Variants in RELN observed in about 807,000 individuals in gnomAD.
RELN encodes reelin.
A neutral mutation model predicts 427.6 loss-of-function variants in RELN; 108 were observed. The ratio of observed to expected loss-of-function variants is 0.25; its 90% CI spans 0.22 to 0.30. RELN has a LOEUF of 0.30. RELN is among the 10% of genes least tolerant of loss of function. The pLI is 1.00. For synonymous variants in RELN, 1,524 were observed against 1,513.4 expected (o/e 1.01, Z -0.16); for missense variants, 3,715 against 4,302.8 (o/e 0.86, Z 3.82).
chr7:103,686,362 C>G (rs896227043), intron 10 of RELN, among the ~76,000 whole-genome samples: 4 of 152,130 alleles, frequency 2.6e-5, no homozygotes, highest in Non-Finnish European at 5.9e-5. Context: ...TAAAAGGAAG[C>G]TAAAACATCA....
chr7:103,794,123 A>G lies in RELN; in HGVS notation c.474-17496T>C, dbSNP rs943888665. On this transcript the variant is annotated intron_variant, in intron 3 of 64. Transcript: ENST00000428762. Reference sequence around the variant, plus strand: ...GGTAATTTTTTTTAATTTTAAGGGTATTTAAAATGCTGATACTAAACTATC... The same window carrying G: ...GGTAATTTTTTTTAATTTTAAGGGTGTTTAAAATGCTGATACTAAACTATC... Among the ~76,000 whole-genome samples, 3 of 152,174 alleles carry G rather than the reference A, an allele frequency of 2.0e-5. No homozygotes were observed. In the South Asian group the frequency reaches 6.2e-4, roughly 32 times the overall value.
intron 38 of RELN, 83 bp downstream of exon 38, chr7:103,556,894 A>T: frequency 1.7e-6 from 2 of 1,175,574 alleles, no homozygotes; most frequent in Non-Finnish European, 2.6e-6. Context: ...CTCAGTTGAC[A>T]AACACTTCCT....
At chr7:103,710,557 A>C (rs1178513731) in intron 8 of RELN, among the ~76,000 whole-genome samples, 1 of 152,214 alleles carries the variant, frequency 6.6e-6, no homozygotes, top group Non-Finnish European at 1.5e-5. Context: ...GGAAGTTGAA[A>C]TGTCCTCAAA....
At chr7:103,775,001 T>G (rs1294370946) in intron 4 of RELN, among the ~76,000 whole-genome samples, 2 of 152,178 alleles carry the variant, frequency 1.3e-5, no homozygotes, top group Non-Finnish European at 2.9e-5. Context: ...GGCTTTTTCT[T>G]TTCATTTTAA....
Position 103,963,594 on chromosome 7 carries a change from T to A in RELN, c.226+25537A>T, listed in dbSNP as rs547418373. 1.2e-4 allele frequency among the ~76,000 whole-genome samples: 19 copies of A among 152,334 alleles called. 2 individuals carry two copies. In the South Asian group the frequency reaches 3.5e-3, roughly 28 times the overall value. On this transcript the variant is annotated intron_variant, in intron 1 of 64. Transcript: ENST00000428762. Reference sequence around the variant, plus strand: ...AAGAAGCTTTTAACTATATCTTTTTTAAAAATTTCTTTTAAAAATCTGAAA... The same window carrying A: ...AAGAAGCTTTTAACTATATCTTTTTAAAAAATTTCTTTTAAAAATCTGAAA...
intron 13 of RELN, 148 bp downstream of exon 13, chr7:103,653,945 T>C (rs1832974497): frequency 3.0e-6 from 2 of 659,090 alleles, no homozygotes; most frequent in African/African-American, 1.8e-5. Flanking sequence ...TTAAAATGTC[T>C]ATTTCACTTT....
chr7:103,919,134 T>C (rs910639093), intron 1 of RELN, among the ~76,000 whole-genome samples: 1 of 82,962 alleles, frequency 1.2e-5, no homozygotes, highest in Admixed American at 1.1e-4. Flanking sequence ...ATAATCGGTC[T>C]TTTTTTTTTT....
At position 103,636,515 on chromosome 7, in the gene RELN, G is replaced by A. The variant is rs534583828; in HGVS notation, c.2070-47C>T. The A allele has an allele frequency of 9.2e-5, 114 of 1,243,098 alleles. 2 individuals carry two copies. Among genetic ancestry groups the A allele is most frequent in the Middle Eastern group, 1.9e-4 (1 of 5,376 alleles). The allele number at this position is 1,243,098 out of a possible 1,614,324, so 77.0% of individuals were successfully genotyped here. A position where few individuals can be genotyped will look rare whatever the true frequency, so the allele number is the denominator to read the frequency against. The stretch of plus-strand genomic sequence containing the variant: ...TAAATCTTAAACTGTTGGCTGTTTC[G>A]GAGATTCTCGAATCTACTTTGGGGA... On this transcript the variant is annotated intron_variant, in intron 17 of 64. Coordinates refer to ENST00000428762, the MANE Select transcript of RELN (RefSeq NM_005045.4).
chr7:103,787,191 T>G (rs550238994), intron 3 of RELN, among the ~76,000 whole-genome samples: 7 of 152,132 alleles, frequency 4.6e-5, no homozygotes, highest in African/African-American at 1.7e-4. Context: ...TGGGACACAG[T>G]AAAAGCAGTG....
chr7:103,844,837 T>C (rs1793635705), intron 2 of RELN, among the ~76,000 whole-genome samples: 1 of 152,198 alleles, frequency 6.6e-6, no homozygotes, highest in Non-Finnish European at 1.5e-5. Context: ...ATTTGCAGAA[T>C]TAAAGAATAT....
chr7:103,872,043 CT>C (rs374943426), intron 2 of RELN, among the ~76,000 whole-genome samples: 33,067 of 118,968 alleles, frequency 0.28, 3,774 homozygotes, highest in Non-Finnish European at 0.33. Flanking sequence ...TTTCTTTTTT[CT>C]TTTTTTTCTT....
Position 103,575,595 on chromosome 7 carries a change from T to C in RELN, c.4256A>G (p.His1419Arg), listed in dbSNP as rs773597019. Residue 1419 changes from histidine to arginine, a missense_variant, in exon 29 of 65, where the codon CAT becomes CGT. By Grantham distance (29) the His-to-Arg change is conservative. Transcript: ENST00000428762. Reference sequence around the variant, plus strand: ...ACACACTCCTGAAATGCAGTCCCCATGGCCACTGCAGTAACTGGGACAAGG... The same window carrying C: ...ACACACTCCTGAAATGCAGTCCCCACGGCCACTGCAGTAACTGGGACAAGG... ...SEPCPSYCSG[H>R]GDCISGVCFC... The C allele has an allele frequency of 1.2e-6, 2 of 1,614,152 alleles. No homozygotes were observed. The highest frequency in any genetic ancestry group is 1.7e-5 in the Admixed American group (1 of 60,026).
intron 28 of RELN, among the ~76,000 whole-genome samples, chr7:103,589,018 G>A (rs1338314785): frequency 1.3e-5 from 2 of 152,140 alleles, no homozygotes; most frequent in Non-Finnish European, 2.9e-5. Flanking sequence ...TTGATGTTGT[G>A]TGTATGTGGG....
rs76351952 is a variant in RELN at position 103,657,505 on chromosome 7, C to T, written c.1442-3300G>A. Among the ~76,000 whole-genome samples, 1,468 of 152,082 alleles carry T rather than the reference C, an allele frequency of 9.7e-3. 18 individuals are homozygous for T. The highest frequency in any genetic ancestry group is 0.033 in the African/African-American group (1,375 of 41,500). On this transcript the variant is annotated intron_variant, in intron 12 of 64. Transcript: ENST00000428762. ...GGGTTTAGTGCACCATACCTAATGA[C>T]GCAGGCACTGAACTATCAGTTTTCT...
chr7:103,653,218 T>G (rs1006293820), intron 13 of RELN, among the ~76,000 whole-genome samples: 2 of 152,100 alleles, frequency 1.3e-5, no homozygotes, highest in Admixed American at 1.3e-4. Context: ...CAATGCATTA[T>G]AACTCACAAA....
At chr7:103,525,142 CTCTT>C (rs1187322892) in intron 46 of RELN, among the ~76,000 whole-genome samples, 5 of 152,254 alleles carry the variant, frequency 3.3e-5, no homozygotes, top group African/African-American at 1.2e-4. Context: ...CTTCCTCTCT[CTCTT>C]TCTGCCTGGT....
In RELN at chr7:103,968,960, T is replaced by C. The variant is rs1563116859; in HGVS notation, c.226+20171A>G. On this transcript the variant is annotated intron_variant, in intron 1 of 64. Coordinates refer to ENST00000428762, the MANE Select transcript of RELN (RefSeq NM_005045.4). The surrounding 1 kb of genome is among the most constrained non-coding windows in gnomAD (Gnocchi z 4.3). Reference sequence around the variant, plus strand: ...AAATGACCTATTTAACTTGACATTTTATAGGTTTCAATACCTCTCTGTGCC... The same window carrying C: ...AAATGACCTATTTAACTTGACATTTCATAGGTTTCAATACCTCTCTGTGCC... Among the ~76,000 whole-genome samples, 1 of 152,230 alleles carries C rather than the reference T, an allele frequency of 6.6e-6. No homozygotes were observed. Among genetic ancestry groups the C allele is most frequent in the Non-Finnish European group, 1.5e-5 (1 of 68,026 alleles).
chr7:103,979,484 T>C (rs1467942705), intron 1 of RELN, among the ~76,000 whole-genome samples: 2 of 152,234 alleles, frequency 1.3e-5, no homozygotes, highest in Non-Finnish European at 2.9e-5. Flanking sequence ...GCTTTTTTTC[T>C]CATTCAAATT....
intron 1 of RELN, among the ~76,000 whole-genome samples, chr7:103,969,386 T>C (rs1002675092): frequency 1.3e-5 from 2 of 152,204 alleles, no homozygotes; most frequent in Non-Finnish European, 2.9e-5. Context: ...CCAATCATTG[T>C]TTTTAAAAAC....
Sources: gnomAD v4.1 joint callset for allele counts (sites outside exome capture counted in the v4.1 genomes callset) on GRCh38, gnomAD v4.1.1 for gene constraint, Gnocchi (gnomAD v3.1) non-coding constraint, MANE v1.5 for transcripts, NCBI Gene and HGNC (gene_info 2026-07-23, HGNC 2026-07-21) for gene names.